Variants in F5 observed in about 807,000 individuals in gnomAD.
F5 encodes the protein activated protein c cofactor.
Under a neutral mutation model 216.4 loss-of-function variants are expected in F5, and 138 were observed. That is an observed-to-expected ratio of 0.64 (90% CI 0.56 to 0.73). F5 has a LOEUF of 0.73. Ranked by LOEUF, F5 falls within the 30% of genes least tolerant of loss-of-function variation. The probability of loss-of-function intolerance (pLI) is 0.00; values close to 1 mark genes in which losing one functional copy is unlikely to be tolerated. For synonymous variants in F5, 916 were observed against 930.7 expected, an observed-to-expected ratio of 0.98 and a Z score of 0.29; for missense variants, 2,403 against 2,674.0, an observed-to-expected ratio of 0.90 and a Z score of 2.24.
At chr1:169,575,844 C>A (rs1660834257) in intron 2 of F5, among the ~76,000 whole-genome samples, 1 of 151,940 alleles carries the variant, frequency 6.6e-6, no homozygotes, top group Non-Finnish European at 1.5e-5. Flanking sequence ...ATCTCTGGGA[C>A]CTGGAAATAT....
At chr1:169,544,557 G>A (rs1659955957) in intron 11 of F5, 49 bp from the exon 12 acceptor site, 1 of 1,473,764 alleles carries the variant, frequency 6.8e-7, no homozygotes, top group Non-Finnish European at 9.4e-7. Context: ...CAACAAAAGG[G>A]CATGTGTCTA....
rs964904533 is a variant in F5, at chr1:169,555,412, T to C, written c.953-65A>G. ...AGAAATTATGGTTGATTGAAATGCA[T>C]ATCCTTTAAATCAACTTGTGGAAGG... On this transcript the variant is annotated intron_variant, in intron 6 of 24. Transcript: ENST00000367797. The C allele has an allele frequency of 2.7e-6, 4 of 1,482,390 alleles. No homozygotes were observed. The African/African-American group carries it at 5.5e-5, about 21-fold the overall frequency. 91.8% of individuals were successfully genotyped at this position (1,482,390 alleles called of 1,614,324 possible).
In F5 at chr1:169,582,394, T is replaced by G. The variant is rs1186264949; in HGVS notation, c.250+37A>C. ...TGAATGCCAAATTACCCATAGAAAT[T>G]TATCTTTAAAATTAAAAAAGTATAT... On this transcript the variant is annotated intron_variant, in intron 2 of 24. Transcript: ENST00000367797. The G allele has an allele frequency of 2.5e-6, 3 of 1,180,232 alleles. No homozygotes were observed. In the South Asian group the frequency reaches 4.2e-5, roughly 17 times the overall value. 73.1% of individuals were successfully genotyped at this position (1,180,232 alleles called of 1,614,324 possible).
At chr1:169,561,294 G>A (rs984214053) in intron 3 of F5, among the ~76,000 whole-genome samples, 93 of 71,962 alleles carry the variant, frequency 1.3e-3, no homozygotes, top group Admixed American at 2.7e-3. Context: ...TTTTTCCCCC[G>A]AGCCACAGCG....
At chr1:169,540,046 C>T (rs1659796081) in intron 13 of F5, among the ~76,000 whole-genome samples, 1 of 152,084 alleles carries the variant, frequency 6.6e-6, no homozygotes, top group East Asian at 1.9e-4. Flanking sequence ...GGAGAGGACA[C>T]AGAAAAATGC....
In F5 at chr1:169,540,803, A is replaced by G; in HGVS notation, c.4287T>C (p.Leu1429=). 6.2e-7 allele frequency: 1 copy of G among 1,613,504 alleles called. No homozygotes were observed. Among genetic ancestry groups the G allele is most frequent in the Non-Finnish European group, 8.5e-7 (1 of 1,179,750 alleles). ...GAGTCACCTGGCTGAGGTCTGGGGA[A>G]AGGGACATCTGACCAAAGTTTGGGG... ...DLSPNFGQMS[L]SPDLSQVTLS... is the part of the protein sequence containing the mutation. Residue 1429 remains leucine (L), a synonymous_variant, in exon 13 of 25, where the codon CTT becomes CTC. Transcript: ENST00000367797.
chr1:169,572,129 A>C (rs1192367144), intron 3 of F5, 92 bp downstream of exon 3: 8 of 1,318,868 alleles, frequency 6.1e-6, no homozygotes, highest in Non-Finnish European at 8.4e-6. Context: ...TTCCCTAACA[A>C]CACGTGGTTA....
At chr1:169,561,164 G>A (rs568560252) in intron 3 of F5, among the ~76,000 whole-genome samples, 74 of 152,240 alleles carry the variant, frequency 4.9e-4, no homozygotes, top group African/African-American at 1.8e-3. Flanking sequence ...GAGATGGGAG[G>A]ATAGTCAGAG....
At chr1:169,519,223 T>A (rs1405779429) in intron 22 of F5, among the ~76,000 whole-genome samples, 1 of 152,178 alleles carries the variant, frequency 6.6e-6, no homozygotes, top group African/African-American at 2.4e-5. Context: ...TTTCTTGAAG[T>A]GATGCCTTAC....
At chr1:169,566,046 A>C (rs1254292798) in intron 3 of F5, among the ~76,000 whole-genome samples, 2 of 152,156 alleles carry the variant, frequency 1.3e-5, no homozygotes, top group East Asian at 3.9e-4. Context: ...GAAAGATTAC[A>C]AAAGAGCTTT....
At chr1:169,559,538 C>T (rs1352422532) in intron 4 of F5, among the ~76,000 whole-genome samples, 1 of 152,242 alleles carries the variant, frequency 6.6e-6, no homozygotes. Context: ...TTTCATCCAG[C>T]TTGGGAAGAA....
At chr1:169,538,561 G>A (rs948692343) in intron 13 of F5, among the ~76,000 whole-genome samples, 1 of 152,040 alleles carries the variant, frequency 6.6e-6, no homozygotes, top group African/African-American at 2.4e-5. Flanking sequence ...AAAACATCAT[G>A]TTTACACCAT....
chr1:169,550,448 A>G (rs1488345494), intron 9 of F5, among the ~76,000 whole-genome samples, 192 bp downstream of exon 9: 2 of 152,034 alleles, frequency 1.3e-5, no homozygotes, highest in African/African-American at 2.4e-5. Flanking sequence ...CTAATAAAAG[A>G]CACCATATTT....
Position 169,560,679 on chromosome 1 carries a change from A to G in F5, c.461T>C (p.Ile154Thr), listed in dbSNP as rs1168397359. Residue 154 changes from isoleucine (I) to threonine (T), a missense_variant, in exon 4 of 25, where the codon ATC becomes ACC. By Grantham distance (89) the Ile-to-Thr change is moderately conservative. This residue lies in a region of F5 where 1,425 missense variants were observed against 1,554.8 expected (regional missense o/e 0.92). Transcript: ENST00000367797. The stretch of plus-strand genomic sequence containing the variant: ...ATGGGTGGGTCCACTGTCCTCACTG[A>G]TACTCCATTCATAGGTGTATTCTCG... Reference protein sequence around the residue: ...PGREYTYEWSISEDSGPTHDD... With the variant: ...PGREYTYEWSTSEDSGPTHDD... 1 of 1,613,786 alleles carries G rather than the reference A, an allele frequency of 6.2e-7. No individual in the cohort carries two copies. The highest frequency in any genetic ancestry group is 1.7e-5 in the Admixed American group (1 of 59,992).
At position 169,530,845 on chromosome 1, in the gene F5, C is replaced by T. The variant is rs376296101; in HGVS notation, c.5149G>A (p.Gly1717Arg). Residue 1717 changes from glycine to arginine, a missense_variant, in exon 15 of 25, where the codon GGG (glycine) becomes AGG (arginine). Around this residue, in one of 4 missense-constraint regions of F5, gnomAD observed 659 missense variants for 787.9 expected, o/e 0.84. Transcript: ENST00000367797. ...TYVWHATERS[G>R]PESPGSACRA... ...CAGGCAGAGCCAGGACTTTCTGGCC[C>T]TGATCGCTCAGTGGCATGCCATACG... The T allele has an allele frequency of 6.2e-6, 10 of 1,613,828 alleles. No homozygotes were observed. The African/African-American group carries it at 9.3e-5, about 15-fold the overall frequency.
intron 3 of F5, among the ~76,000 whole-genome samples, chr1:169,567,959 G>T (rs1383615652): frequency 6.6e-6 from 1 of 152,098 alleles, no homozygotes; most frequent in Admixed American, 6.6e-5. Context: ...CTTGTGCTAG[G>T]TATAGCAGGG....
At chr1:169,573,322 A>G (rs890610517) in intron 2 of F5, among the ~76,000 whole-genome samples, 1 of 152,208 alleles carries the variant, frequency 6.6e-6, no homozygotes, top group African/African-American at 2.4e-5. Flanking sequence ...ACGTGTATTA[A>G]AAGTTCATCC....
intron 23 of F5, among the ~76,000 whole-genome samples, chr1:169,517,595 G>A (rs1352912455): frequency 1.3e-5 from 2 of 152,030 alleles, no homozygotes; most frequent in African/African-American, 4.8e-5. Context: ...GATATCTCAG[G>A]TCATTTAAAG....
chr1:169,521,534 G>A (rs9332653), intron 21 of F5, among the ~76,000 whole-genome samples: 40,326 of 151,032 alleles, frequency 0.27, 6,429 homozygotes, highest in East Asian at 0.73. Flanking sequence ...TAAAACAGAA[G>A]ATTGGAGCAG....
Sources: gnomAD v4.1 joint callset for allele counts (sites outside exome capture counted in the v4.1 genomes callset) on GRCh38, gnomAD v4.1.1 for gene constraint, gnomAD v4.1.1 regional missense constraint, MANE v1.5 for transcripts, NCBI Gene and HGNC (gene_info 2026-07-23, HGNC 2026-07-21) for gene names.